ADAMTSL3: variants seen among roughly 807,000 people sequenced by gnomAD.
ADAMTSL3 encodes the protein ADAMTS like 3.
In ADAMTSL3, 128 loss-of-function variants were observed where a neutral mutation model predicts 201.7. The ratio of observed to expected loss-of-function variants is 0.63; its 90% confidence interval spans 0.55 to 0.73. The LOEUF is 0.73. ADAMTSL3 is among the 30% of genes least tolerant of loss of function. The probability of loss-of-function intolerance (pLI) is 0.00; values close to 1 mark genes in which losing one functional copy is unlikely to be tolerated. For missense variants in ADAMTSL3, 1,990 were observed against 2,119.6 expected (o/e 0.94, Z 1.20); for synonymous variants, 738 against 748.4 (o/e 0.99, Z 0.23).
intron 3 of ADAMTSL3, among the ~76,000 whole-genome samples, chr15:83,760,300 T>A (rs2062787652): frequency 6.6e-6 from 1 of 152,206 alleles, no homozygotes; most frequent in African/African-American, 2.4e-5. Flanking sequence ...TTTTAACCTA[T>A]GGAATGTGTT....
At position 83,923,806 on chromosome 15, in the gene ADAMTSL3, C is replaced by A. The variant is rs2066192281; in HGVS notation, c.1988-98C>A. 2.1e-6 allele frequency: 3 copies of A among 1,401,090 alleles called. No individual in the cohort carries two copies. The South Asian group carries it at 4.0e-5, about 19-fold the overall frequency. 86.8% of individuals were successfully genotyped at this position (1,401,090 alleles called of 1,614,324 possible). On this transcript the variant is annotated intron_variant, in intron 16 of 29. Coordinates refer to ENST00000286744, the MANE Select transcript of ADAMTSL3 (RefSeq NM_207517.3). ...TGCAGCCCTATGATAGTCAAAAGGGCAGTATGCTAAGAATGAGAAGACCTA... is the reference window on the plus strand; with the variant it reads ...TGCAGCCCTATGATAGTCAAAAGGGAAGTATGCTAAGAATGAGAAGACCTA...
chr15:83,701,135 A>G (rs1010405265), intron 2 of ADAMTSL3, among the ~76,000 whole-genome samples: 3 of 152,070 alleles, frequency 2.0e-5, no homozygotes, highest in African/African-American at 7.2e-5. Context: ...CTCTTAATTT[A>G]TTTCTGACTC....
chr15:83,872,518 C>G (rs1255762920), intron 9 of ADAMTSL3, among the ~76,000 whole-genome samples: 1 of 151,678 alleles, frequency 6.6e-6, no homozygotes, highest in Non-Finnish European at 1.5e-5. Flanking sequence ...TCTCTCTGGT[C>G]TATTGTTATG....
intron 7 of ADAMTSL3, among the ~76,000 whole-genome samples, chr15:83,853,745 A>ATAC (rs2064667491): frequency 6.6e-6 from 1 of 152,174 alleles, no homozygotes; most frequent in Admixed American, 6.5e-5. Flanking sequence ...GATGTTAATG[A>ATAC]CATTGGAATG....
rs774921020 is a variant in ADAMTSL3, at chr15:84,037,054, C to G, written c.4969+67C>G. On this transcript the variant is annotated intron_variant, in intron 29 of 29. Coordinates refer to ENST00000286744, the MANE Select transcript of ADAMTSL3 (RefSeq NM_207517.3). ...TGATGGCATCAGATCCTGATGCTAC[C>G]ATCACGGCACCAAACCCTGCTAGTG... 4 of 1,493,902 alleles carry G rather than the reference C, an allele frequency of 2.7e-6. No homozygotes were observed. The Admixed American group carries it at 7.2e-5, about 27-fold the overall frequency. 92.5% of individuals were successfully genotyped at this position (1,493,902 alleles called of 1,614,324 possible). A position where few individuals can be genotyped will look rare whatever the true frequency, so the allele number is the denominator to read the frequency against.
At chr15:83,674,782 T>C (rs1433810066) in intron 2 of ADAMTSL3, among the ~76,000 whole-genome samples, 1 of 144,204 alleles carries the variant, frequency 6.9e-6, no homozygotes, top group Non-Finnish European at 1.5e-5. Context: ...TATATATATA[T>C]ATATATAAAT....
At chr15:84,015,469 G>A (rs7166267) in intron 24 of ADAMTSL3, among the ~76,000 whole-genome samples, 126,283 of 152,202 alleles carry the variant, frequency 0.83, 52,709 homozygotes, top group East Asian at 0.95. Context: ...TTTGATGAGC[G>A]TTAATTCTTG....
intron 23 of ADAMTSL3, among the ~76,000 whole-genome samples, chr15:83,998,151 T>C (rs2067722947): frequency 6.6e-6 from 1 of 152,084 alleles, no homozygotes; most frequent in Admixed American, 6.6e-5. Context: ...ACTTGAAAAC[T>C]ATAGTTGTAG....
chr15:83,891,131 G>T, intron 11 of ADAMTSL3, 198 bp from the exon 12 acceptor site: 2 of 522,514 alleles, frequency 3.8e-6, no homozygotes, highest in South Asian at 2.8e-5. Flanking sequence ...AATAGAACTG[G>T]GGAATTTGTG....
At chr15:84,001,595 C>T (rs2067792695) in intron 23 of ADAMTSL3, among the ~76,000 whole-genome samples, 1 of 152,182 alleles carries the variant, frequency 6.6e-6, no homozygotes, top group South Asian at 2.1e-4. Flanking sequence ...AGAATAGGCA[C>T]CACGCAGGAG....
At chr15:83,969,820 A>C (rs2067159522) in intron 19 of ADAMTSL3, among the ~76,000 whole-genome samples, 1 of 152,270 alleles carries the variant, frequency 6.6e-6, no homozygotes, top group African/African-American at 2.4e-5. Context: ...TAGTGCCTAT[A>C]GGCACAGTTA....
intron 17 of ADAMTSL3, among the ~76,000 whole-genome samples, chr15:83,932,596 T>C (rs1044473832): frequency 6.6e-6 from 1 of 152,162 alleles, no homozygotes; most frequent in African/African-American, 2.4e-5. Context: ...TGCCTCTGAA[T>C]GGAAGGAATC....
chr15:83,689,092 G>A (rs2061578502), intron 2 of ADAMTSL3, among the ~76,000 whole-genome samples: 1 of 152,072 alleles, frequency 6.6e-6, no homozygotes, highest in Non-Finnish European at 1.5e-5. Flanking sequence ...CAAGATGTTG[G>A]GATTACAGGT....
At chr15:83,870,463 CAAGT>C (rs919762304) in intron 8 of ADAMTSL3, among the ~76,000 whole-genome samples, 1 of 152,088 alleles carries the variant, frequency 6.6e-6, no homozygotes, top group Admixed American at 6.6e-5. Flanking sequence ...ATCTTTTGAA[CAAGT>C]AATAAAATGA....
intron 16 of ADAMTSL3, among the ~76,000 whole-genome samples, chr15:83,914,814 C>T (rs545842325): frequency 6.1e-4 from 93 of 151,918 alleles, no homozygotes; most frequent in Non-Finnish European, 1.2e-3. Flanking sequence ...ACCCTGGACA[C>T]GTTTTTGTTT....
chr15:83,823,907 C>G (rs139776156), intron 6 of ADAMTSL3, among the ~76,000 whole-genome samples: 2 of 47,428 alleles, frequency 4.2e-5, no homozygotes, highest in Non-Finnish European at 1.1e-4. Flanking sequence ...TCTTCTTCTT[C>G]TTCTTCTTCT....
At chr15:83,697,708 A>G (rs1012314399) in intron 2 of ADAMTSL3, among the ~76,000 whole-genome samples, 2 of 152,170 alleles carry the variant, frequency 1.3e-5, no homozygotes, top group Admixed American at 6.5e-5. Flanking sequence ...GCACACAGAT[A>G]TGTTCACCAA....
chr15:83,918,295 G>C (rs1314191089), intron 16 of ADAMTSL3, among the ~76,000 whole-genome samples: 1 of 152,182 alleles, frequency 6.6e-6, no homozygotes, highest in Non-Finnish European at 1.5e-5. Flanking sequence ...CTATGTGCCA[G>C]GCACTGGCCT....
At chr15:83,987,610 G>C (rs2067503078) in intron 21 of ADAMTSL3, among the ~76,000 whole-genome samples, 3 of 152,224 alleles carry the variant, frequency 2.0e-5, no homozygotes, top group Non-Finnish European at 2.9e-5. Context: ...CCAGGACTCA[G>C]TGGGCGGGTC....
Sources: gnomAD v4.1 joint callset for allele counts (sites outside exome capture counted in the v4.1 genomes callset) on GRCh38, gnomAD v4.1.1 for gene constraint, MANE v1.5 for transcripts, NCBI Gene and HGNC (gene_info 2026-07-23, HGNC 2026-07-21) for gene names.